ZNF329: variants seen among roughly 807,000 people sequenced by gnomAD.
The protein encoded by ZNF329 is zinc finger protein 329.
In ZNF329, 15 loss-of-function variants were observed where a neutral mutation model predicts 26.6. That is an observed-to-expected ratio of 0.56 (90% confidence interval 0.38 to 0.87). ZNF329 has a LOEUF of 0.87. ZNF329 is among the 40% of genes least tolerant of loss of function. The pLI is 0.00. For synonymous variants in ZNF329, 239 were observed against 233.5 expected (o/e 1.02, Z -0.21); for missense variants, 651 against 651.9 (o/e 1.00, Z 0.02).
At position 58,144,961 on chromosome 19, in the gene ZNF329, T is replaced by C. The variant is rs182762368; in HGVS notation, c.-207-1763A>G. Among the ~76,000 whole-genome samples the C allele has an allele frequency of 1.3e-3, 193 of 151,474 alleles. 1 individual carries two copies. Among genetic ancestry groups the C allele is most frequent in the Admixed American group, 3.6e-3 (54 of 15,180 alleles). On this transcript the variant is annotated intron_variant, in intron 1 of 3. Coordinates refer to ENST00000598312, the MANE Select transcript of ZNF329 (RefSeq NM_024620.4). ...GCCTCCCGGGTTCACGCCATTCTCC[T>C]GCCTCAGCCTCCCGAGTAGCTGGGA...
intron 1 of ZNF329, among the ~76,000 whole-genome samples, chr19:58,144,406 T>TTTTTTTTTA (rs2075260244): frequency 2.9e-5 from 4 of 140,228 alleles, no homozygotes; most frequent in African/African-American, 1.1e-4. Context: ...ATTTTTTTTT[T>TTTTTTTTTA]GAGACGGAGT....
At chr19:58,143,046 T>A (rs2075221961) in intron 2 of ZNF329, 59 bp downstream of exon 2, 1 of 151,762 alleles carries the variant, frequency 6.6e-6, no homozygotes, top group Admixed American at 6.6e-5. Flanking sequence ...AGCCTAGGAG[T>A]TCAAGGCCAG....
At chr19:58,144,234 G>C (rs1044073185) in intron 1 of ZNF329, among the ~76,000 whole-genome samples, 2 of 151,258 alleles carry the variant, frequency 1.3e-5, no homozygotes, top group African/African-American at 4.9e-5. Flanking sequence ...GAGTGCAGTG[G>C]CGTGATCTCA....
intron 1 of ZNF329, among the ~76,000 whole-genome samples, chr19:58,149,612 G>T (rs1257327300): frequency 1.3e-5 from 2 of 152,174 alleles, no homozygotes; most frequent in Middle Eastern, 3.2e-3. Flanking sequence ...TAAACAAGCA[G>T]TAGAATGGAG....
At chr19:58,144,352 A>ATATCTATCTATCTATCTATC (rs112779820) in intron 1 of ZNF329, among the ~76,000 whole-genome samples, 4 of 132,454 alleles carry the variant, frequency 3.0e-5, no homozygotes, top group African/African-American at 8.7e-5. Context: ...TTTTACATCT[A>ATATCTATCTATCTATCTATC]TATCTATCTA....
chr19:58,148,103 T>G (rs2075366842), intron 1 of ZNF329, among the ~76,000 whole-genome samples: 1 of 151,936 alleles, frequency 6.6e-6, no homozygotes, highest in East Asian at 1.9e-4. Flanking sequence ...CCCAACCCTG[T>G]GCTCTCTGAA....
chr19:58,135,263 T>C (rs1378411710), intron 3 of ZNF329, among the ~76,000 whole-genome samples: 6 of 151,762 alleles, frequency 4.0e-5, no homozygotes, highest in African/African-American at 9.7e-5. Context: ...GGAGGTTTTA[T>C]TTTATCTATT....
At chr19:58,144,729 T>A (rs1167407846) in intron 1 of ZNF329, among the ~76,000 whole-genome samples, 1 of 144,888 alleles carries the variant, frequency 6.9e-6, no homozygotes, top group Non-Finnish European at 1.5e-5. Flanking sequence ...AGAGACAGAG[T>A]CTTGCTTTGA....
At chr19:58,140,213 G>A (rs1375212477) in intron 3 of ZNF329, among the ~76,000 whole-genome samples, 1 of 152,218 alleles carries the variant, frequency 6.6e-6, no homozygotes, top group East Asian at 1.9e-4. Context: ...GGTTCTGGGG[G>A]AAATGAATTA....
chr19:58,127,807 G>A lies in ZNF329; in HGVS notation c.*71C>T. ...ATTCTTTTCTACTGACCAGAGAGGA[G>A]TCAGATCTAAGACACGCCTCCTAAA... On this transcript the variant is annotated 3_prime_UTR_variant, in exon 4 of 4. Coordinates refer to ENST00000598312, the MANE Select transcript of ZNF329 (RefSeq NM_024620.4). 1 of 1,397,688 alleles carries A rather than the reference G, an allele frequency of 7.2e-7. No individual in the cohort carries two copies. The highest frequency in any genetic ancestry group is 1.4e-5 in the South Asian group (1 of 72,222). 86.6% of individuals were successfully genotyped at this position (1,397,688 alleles called of 1,614,324 possible). A position where few individuals can be genotyped will look rare whatever the true frequency, so the allele number is the denominator to read the frequency against.
At position 58,145,416 on chromosome 19, in the gene ZNF329, G is replaced by T. The variant is rs920732257; in HGVS notation, c.-207-2218C>A. On this transcript the variant is annotated intron_variant, in intron 1 of 3. Coordinates refer to ENST00000598312, the MANE Select transcript of ZNF329 (RefSeq NM_024620.4). ...AGCTCACTGCAACCTCCGCCTCCTG[G>T]GTTTAAGTGATTCTCCTGCCTCAGC... Among the ~76,000 whole-genome samples the T allele has an allele frequency of 2.7e-5, 4 of 150,370 alleles. No homozygotes were observed. The South Asian group carries it at 8.4e-4, about 32-fold the overall frequency.
chr19:58,130,670 T>A, intron 3 of ZNF329, among the ~76,000 whole-genome samples: 1 of 96,272 alleles, frequency 1.0e-5, no homozygotes, highest in African/African-American at 4.3e-5. Context: ...CAAGACTCCG[T>A]CTCAAAAAAA....
intron 3 of ZNF329, among the ~76,000 whole-genome samples, chr19:58,137,342 T>G (rs1210828857): frequency 6.6e-6 from 1 of 151,916 alleles, no homozygotes; most frequent in Non-Finnish European, 1.5e-5. Context: ...TCACCTGAGG[T>G]CAGGCATTCG....
chr19:58,139,660 G>C (rs2075142881), intron 3 of ZNF329, among the ~76,000 whole-genome samples: 2 of 152,174 alleles, frequency 1.3e-5, no homozygotes, highest in Admixed American at 6.5e-5. Context: ...TACCATCACA[G>C]TGGGGATAAG....
chr19:58,146,769 T>A (rs1011427021), intron 1 of ZNF329, among the ~76,000 whole-genome samples: 10 of 152,008 alleles, frequency 6.6e-5, no homozygotes, highest in Admixed American at 4.6e-4. Flanking sequence ...GCCAGGCTGG[T>A]CTCCAGCTCC....
chr19:58,145,314 C>CTT lies in ZNF329; in HGVS notation c.-207-2118_-207-2117dup, dbSNP rs71188087. ...GCCAAAAAAAATTTCTTTTTTCTTC[C>CTT]TTTTTTTTTTTTTTTTTTTTTTTTG... On this transcript the variant is annotated intron_variant, in intron 1 of 3. Transcript: ENST00000598312. Among the ~76,000 whole-genome samples, 497 of 106,072 alleles carry CTT rather than the reference C, an allele frequency of 4.7e-3. 3 individuals are homozygous for CTT. The highest frequency in any genetic ancestry group is 0.013 in the African/African-American group (297 of 23,594). The allele number at this position is 106,072 out of a possible 152,430, so 69.6% of individuals were successfully genotyped here. A position where few individuals can be genotyped will look rare whatever the true frequency, so the allele number is the denominator to read the frequency against.
intron 1 of ZNF329, among the ~76,000 whole-genome samples, chr19:58,144,902 T>G (rs1600089301): frequency 6.8e-6 from 1 of 147,800 alleles, no homozygotes; most frequent in South Asian, 2.1e-4. Flanking sequence ...CAGGCTGGAG[T>G]GCAGTGGTGC....
At position 58,148,502 on chromosome 19, in the gene ZNF329, G is replaced by GA. The variant is rs200681426; in HGVS notation, c.-208+2249dup. On this transcript the variant is annotated intron_variant, in intron 1 of 3. Transcript: ENST00000598312. ...ACAAATAAAAAACAATTAGTTTTTT[G>GA]AAAAAAAAAAAGTATACTTGGGTGT... Among the ~76,000 whole-genome samples the GA allele has an allele frequency of 3.5e-3, 502 of 142,766 alleles. 4 individuals carry two copies. The highest frequency in any genetic ancestry group is 4.5e-3 in the Non-Finnish European group (289 of 64,888). The allele number at this position is 142,766 out of a possible 152,430, so 93.7% of individuals were successfully genotyped here.
rs761273481 is a variant in ZNF329 at position 58,128,842 on chromosome 19, T to C, written c.662A>G (p.His221Arg). The change falls in exon 4 of 4, where the codon CAT becomes CGT. Residue 221 changes from histidine (H) to arginine (R), a missense_variant. Physicochemically the swap from His to Arg is conservative, Grantham distance 29. Coordinates refer to ENST00000598312, the MANE Select transcript of ZNF329 (RefSeq NM_024620.4). Reference sequence around the variant, plus strand: ...CTTCTCTCCGGTGTGAGTTCGGTGATGCAAAACAAGAGAAGAGTTCCGTTT... The same window carrying C: ...CTTCTCTCCGGTGTGAGTTCGGTGACGCAAAACAAGAGAAGAGTTCCGTTT... ...CFKRNSSLVL[H>R]HRTHTGEKPY... 2.4e-5 allele frequency: 39 copies of C among 1,610,898 alleles called. No individual in the cohort carries two copies. The South Asian group carries it at 3.0e-4, about 12-fold the overall frequency.
Sources: gnomAD v4.1 joint callset for allele counts (sites outside exome capture counted in the v4.1 genomes callset) on GRCh38, gnomAD v4.1.1 for gene constraint, MANE v1.5 for transcripts, NCBI Gene and HGNC (gene_info 2026-07-23, HGNC 2026-07-21) for gene names.